Variants in KRCC1 observed in about 807,000 individuals in gnomAD.
KRCC1 encodes the protein lysine rich coiled-coil 1, also known as lysine-rich coiled-coil protein 1.
Under a neutral mutation model 7.4 loss-of-function variants are expected in KRCC1, and 3 were observed. The ratio of observed to expected loss-of-function variants is 0.40; its 90% CI spans 0.18 to 1.04. The LOEUF (loss-of-function observed/expected upper bound fraction) is 1.04, where lower values mean the gene tolerates loss of function less well. Among genes scored for constraint, KRCC1 ranks in the 50% least tolerant of loss-of-function variants. The pLI, the probability that KRCC1 is intolerant of heterozygous loss-of-function variation, is 0.33. For synonymous variants in KRCC1, 102 were observed against 101.6 expected, an observed-to-expected ratio of 1.00 and a Z score of -0.02; for missense variants, 277 against 300.9, an observed-to-expected ratio of 0.92 and a Z score of 0.59.
chr2:88,049,894 GC>G (rs1673431293), intron 1 of KRCC1, among the ~76,000 whole-genome samples: 1 of 152,232 alleles, frequency 6.6e-6, no homozygotes, highest in Admixed American at 6.5e-5. Context: ...GCTCTGGTGT[GC>G]CTGTAACAAA....
chr2:88,050,859 T>G (rs758935781), intron 1 of KRCC1, among the ~76,000 whole-genome samples: 1 of 152,104 alleles, frequency 6.6e-6, no homozygotes, highest in Non-Finnish European at 1.5e-5. Flanking sequence ...TTTCTTTGGA[T>G]TTTTGTGATT....
At chr2:88,041,091 G>C (rs1673200873) in intron 1 of KRCC1, among the ~76,000 whole-genome samples, 1 of 152,174 alleles carries the variant, frequency 6.6e-6, no homozygotes, top group Admixed American at 6.5e-5. Context: ...ACTCAAAATG[G>C]AGATATTGTT....
chr2:88,052,229 TA>T (rs200403309), intron 1 of KRCC1, among the ~76,000 whole-genome samples: 4 of 152,204 alleles, frequency 2.6e-5, no homozygotes, highest in African/African-American at 9.6e-5. Flanking sequence ...GACTTTTTTT[TA>T]AAAAAATAAT....
At chr2:88,046,605 T>C (rs1338070317) in intron 1 of KRCC1, among the ~76,000 whole-genome samples, 3 of 152,210 alleles carry the variant, frequency 2.0e-5, no homozygotes, top group African/African-American at 7.2e-5. Context: ...GGGACTGTAT[T>C]TATGGAAGTT....
chr2:88,038,850 A>G (rs144789104), intron 1 of KRCC1, among the ~76,000 whole-genome samples: 255 of 152,292 alleles, frequency 1.7e-3, no homozygotes, highest in Non-Finnish European at 2.9e-3. Context: ...CCCCGATTCA[A>G]TTACCTCCAC....
Position 88,028,551 on chromosome 2 carries a change from T to C in KRCC1, c.13A>G (p.Lys5Glu), listed in dbSNP as rs568017242. The C allele has an allele frequency of 1.5e-5, 24 of 1,609,780 alleles. No individual in the cohort carries two copies. The highest frequency in any genetic ancestry group is 2.7e-5 in the African/African-American group (2 of 74,550). MKHS[K>E]KTYDSFQDEL... is the part of the protein sequence containing the mutation. ...TCTTGAAAAGAGTCATATGTCTTCT[T>C]TGAATGCTTCATTAGGTTGACAAAA... is the stretch of plus-strand genomic sequence containing the variant. The change falls in exon 4 of 4, where the codon AAG (lysine) becomes GAG (glutamate). Residue 5 changes from lysine to glutamate, a missense_variant. Transcript: ENST00000347055.
chr2:88,045,033 A>C (rs527957986), intron 1 of KRCC1, among the ~76,000 whole-genome samples: 1 of 150,154 alleles, frequency 6.7e-6, no homozygotes, highest in South Asian at 2.1e-4. Context: ...AATTTTTTGT[A>C]CTTTTTTTTT....
chr2:88,030,083 G>A lies in KRCC1; in HGVS notation c.-22-1498C>T, dbSNP rs560772735. ...GGCTGGTCTCCAACTCCTGACCTCA[G>A]GTGATCTGCCTGCCTCGGCCTCCCA... On this transcript the variant is annotated intron_variant, in intron 3 of 3. Coordinates refer to ENST00000347055, the MANE Select transcript of KRCC1 (RefSeq NM_016618.3). Among the ~76,000 whole-genome samples, 3 of 150,762 alleles carry A rather than the reference G, an allele frequency of 2.0e-5. No homozygotes were observed. The South Asian group carries it at 6.4e-4, about 32-fold the overall frequency.
rs541103542 is a variant in KRCC1 at position 88,048,342 on chromosome 2, A to G, written c.-291+7284T>C. Among the ~76,000 whole-genome samples, 3 of 152,316 alleles carry G rather than the reference A, an allele frequency of 2.0e-5. No homozygotes were observed. In the East Asian group the frequency reaches 5.8e-4, roughly 29 times the overall value. ...AGTGATCCACCTGCCTTGGCCTCCC[A>G]AAGTGCTGGGATTACAGGTGTATTG... On this transcript the variant is annotated intron_variant, in intron 1 of 3. Coordinates refer to ENST00000347055, the MANE Select transcript of KRCC1 (RefSeq NM_016618.3).
At position 88,055,752 on chromosome 2, in the gene KRCC1, C is replaced by T. The variant is rs1262512041; in HGVS notation, c.-417G>A. 1 of 154,700 alleles carries T rather than the reference C, an allele frequency of 6.5e-6. No individual in the cohort carries two copies. The highest frequency in any genetic ancestry group is 1.9e-4 in the East Asian group (1 of 5,254). The allele number at this position is 154,700 out of a possible 1,614,324, so 9.6% of individuals were successfully genotyped here. A position where few individuals can be genotyped will look rare whatever the true frequency, so the allele number is the denominator to read the frequency against. On this transcript the variant is annotated 5_prime_UTR_variant, in exon 1 of 4. Coordinates refer to ENST00000347055, the MANE Select transcript of KRCC1 (RefSeq NM_016618.3). ...ACAACCGCTGCCGCCACCGCCGCCT[C>T]CGCCGCCGAGCAGGCTGGATGGGAG...
In KRCC1 at chr2:88,027,899, CTTT is replaced by C. The variant is rs1261113475; in HGVS notation, c.662_664del (p.Lys221del). 1 of 1,613,894 alleles carries C rather than the reference CTTT, an allele frequency of 6.2e-7. No homozygotes were observed. Among genetic ancestry groups the C allele is most frequent in the Non-Finnish European group, 8.5e-7 (1 of 1,180,026 alleles). ...CTCTTTCTTAGAGACTACATCTCGGCTTTTTTTCTCCTTTCGATTCTTAAGCTT... is the reference window on the plus strand; with the variant it reads ...CTCTTTCTTAGAGACTACATCTCGGCTTTTCTCCTTTCGATTCTTAAGCTT... On this transcript the variant is annotated inframe_deletion, in exon 4 of 4. Coordinates refer to ENST00000347055, the MANE Select transcript of KRCC1 (RefSeq NM_016618.3).
chr2:88,045,032 T>C (rs909875666), intron 1 of KRCC1, among the ~76,000 whole-genome samples: 4 of 151,836 alleles, frequency 2.6e-5, no homozygotes, highest in Admixed American at 1.3e-4. Context: ...TAATTTTTTG[T>C]ACTTTTTTTT....
chr2:88,045,391 T>C (rs1037520747), intron 1 of KRCC1, among the ~76,000 whole-genome samples: 1 of 152,068 alleles, frequency 6.6e-6, no homozygotes, highest in African/African-American at 2.4e-5. Flanking sequence ...TATTCAGACA[T>C]AAAAAGGAAC....
chr2:88,040,074 C>T (rs986676991), intron 1 of KRCC1, among the ~76,000 whole-genome samples: 1 of 151,936 alleles, frequency 6.6e-6, no homozygotes, highest in Non-Finnish European at 1.5e-5. Flanking sequence ...ACATGGAAAG[C>T]TTACTGAGGA....
chr2:88,055,541 G>A (rs1487743009), intron 1 of KRCC1, 85 bp downstream of exon 1: 1 of 151,960 alleles, frequency 6.6e-6, no homozygotes, highest in Non-Finnish European at 1.5e-5. Context: ...GCGCCCGGCG[G>A]GCTGGGCGCG....
intron 1 of KRCC1, among the ~76,000 whole-genome samples, chr2:88,049,685 A>G: frequency 6.6e-6 from 1 of 152,142 alleles, no homozygotes; most frequent in East Asian, 1.9e-4. Flanking sequence ...ACTGAGATCA[A>G]CACTTCTGTC....
intron 1 of KRCC1, among the ~76,000 whole-genome samples, chr2:88,040,887 G>GA (rs567671786): frequency 6.6e-6 from 1 of 152,094 alleles, no homozygotes; most frequent in South Asian, 2.1e-4. Flanking sequence ...AAAATTTAGA[G>GA]AAAAAAACAT....
In KRCC1 at chr2:88,039,041, G is replaced by A. The variant is rs925268245; in HGVS notation, c.-290-1990C>T. Among the ~76,000 whole-genome samples the A allele has an allele frequency of 5.9e-5, 9 of 152,010 alleles. No individual in the cohort carries two copies. The East Asian group carries it at 7.7e-4, about 13-fold the overall frequency. ...TTGAAATAATTAGTAAACCTGATGC[G>A]TTTGATTTGACAGTCTGATCTTGTG... On this transcript the variant is annotated intron_variant, in intron 1 of 3. Transcript: ENST00000347055.
intron 1 of KRCC1, among the ~76,000 whole-genome samples, chr2:88,047,119 A>C (rs1225105004): frequency 6.6e-6 from 1 of 152,266 alleles, no homozygotes; most frequent in Non-Finnish European, 1.5e-5. Context: ...AATACTAGGA[A>C]TCATTCTACT....
Sources: allele counts gnomAD v4.1 joint callset (sites outside exome capture counted in the v4.1 genomes callset), GRCh38; gene constraint gnomAD v4.1.1; transcripts MANE v1.5; gene names NCBI Gene and HGNC (gene_info 2026-07-23, HGNC 2026-07-21).